SULT1C4: variants seen among roughly 807,000 people sequenced by gnomAD.
SULT1C4 encodes the protein sulfotransferase 1C4.
Under a neutral mutation model 34.8 loss-of-function variants are expected in SULT1C4, and 32 were observed. The observed-to-expected ratio is 0.92, with a 90% CI of 0.69 to 1.23. SULT1C4 has a LOEUF of 1.23. SULT1C4 is among the 50% of genes most tolerant of loss of function. The pLI is 0.00. For synonymous variants in SULT1C4, 111 were observed against 120.5 expected, an observed-to-expected ratio of 0.92 and a Z score of 0.51; for missense variants, 375 against 365.9, an observed-to-expected ratio of 1.02 and a Z score of -0.20.
rs1678303156 is a variant in SULT1C4, at chr2:108,378,462, A to T, written c.125A>T (p.Gln42Leu). The change falls in exon 1 of 7, where the codon CAA (glutamine) becomes CTA (leucine). Residue 42 changes from glutamine to leucine, a missense_variant. Physicochemically the swap from Gln to Leu is moderately radical, Grantham distance 113. Coordinates refer to ENST00000272452, the MANE Select transcript of SULT1C4 (RefSeq NM_006588.4). ...ATCTGGGATAAGATCTGGAACTTCC[A>T]AGCCAAGCCTGATGACCTGCTTATT... is the stretch of plus-strand genomic sequence containing the variant. The part of the protein sequence containing the change: ...CDIWDKIWNF[Q>L]AKPDDLLIST... 1 of 1,614,224 alleles carries T rather than the reference A, an allele frequency of 6.2e-7. No individual in the cohort carries two copies. Among genetic ancestry groups the T allele is most frequent in the Non-Finnish European group, 8.5e-7 (1 of 1,180,034 alleles).
At chr2:108,386,149 T>C (rs545204304) in intron 5 of SULT1C4, 43 bp from the exon 6 acceptor site, 39 of 1,348,522 alleles carry the variant, frequency 2.9e-5, no homozygotes, top group Non-Finnish European at 3.7e-5. Context: ...CTTTTTAAAC[T>C]AATTCTATTA....
In SULT1C4 at chr2:108,383,462, C is replaced by G. The variant is rs1678482170; in HGVS notation, c.567C>G (p.Ala189=). The change falls in exon 5 of 7, where the codon GCC becomes GCG. Residue 189 remains alanine, a synonymous_variant. Coordinates refer to ENST00000272452, the MANE Select transcript of SULT1C4 (RefSeq NM_006588.4). Reference sequence around the variant, plus strand: ...AACATGTGAAAGGATGGTGGGAAGCCAAAGACAAACACCGTATTCTCTATC... The same window carrying G: ...AACATGTGAAAGGATGGTGGGAAGCGAAAGACAAACACCGTATTCTCTATC... ...WHEHVKGWWE[A]KDKHRILYLF... is the part of the protein sequence containing the mutation. 3 of 1,614,130 alleles carry G rather than the reference C, an allele frequency of 1.9e-6. No homozygotes were observed. In the Admixed American group the frequency reaches 5.0e-5, roughly 27 times the overall value.
At chr2:108,382,588 C>A (rs2104343863) in intron 3 of SULT1C4, 106 bp downstream of exon 3, 1 of 843,306 alleles carries the variant, frequency 1.2e-6, no homozygotes, top group Non-Finnish European at 1.9e-6. Flanking sequence ...TATACCTCTT[C>A]ACAATAATCA....
chr2:108,379,486 C>G (rs1156267013), intron 1 of SULT1C4, among the ~76,000 whole-genome samples: 1 of 152,168 alleles, frequency 6.6e-6, no homozygotes, highest in African/African-American at 2.4e-5. Flanking sequence ...GATCACATCT[C>G]ATCATCTTAA....
At chr2:108,384,610 A>G (rs929644654) in intron 5 of SULT1C4, among the ~76,000 whole-genome samples, 2 of 152,224 alleles carry the variant, frequency 1.3e-5, no homozygotes, top group South Asian at 2.1e-4. Context: ...AAGTTCTGTC[A>G]ATTCTTGGTA....
At position 108,386,331 on chromosome 2, in the gene SULT1C4, C is replaced by A. The variant is rs770915181; in HGVS notation, c.755C>A (p.Ala252Asp). ...NPMANYSSIPAEIMDHSISPF... is the reference protein window; with the variant it reads ...NPMANYSSIPDEIMDHSISPF... Reference sequence around the variant, plus strand: ...ATGGCAAACTATTCATCGATTCCTGCTGAAATCATGGACCACTCCATTTCT... The same window carrying A: ...ATGGCAAACTATTCATCGATTCCTGATGAAATCATGGACCACTCCATTTCT... The change falls in exon 6 of 7, where the codon GCT (alanine) becomes GAT (aspartate). Residue 252 changes from alanine to aspartate, a missense_variant. Coordinates refer to ENST00000272452, the MANE Select transcript of SULT1C4 (RefSeq NM_006588.4). The A allele has an allele frequency of 6.4e-7, 1 of 1,567,528 alleles. No homozygotes were observed. The highest frequency in any genetic ancestry group is 2.3e-5 in the East Asian group (1 of 43,238).
At chr2:108,379,098 T>C (rs950804008) in intron 1 of SULT1C4, among the ~76,000 whole-genome samples, 1 of 152,196 alleles carries the variant, frequency 6.6e-6, no homozygotes, top group South Asian at 2.1e-4. Context: ...AATTGGGTGA[T>C]GATGAGGTGG....
Position 108,387,425 on chromosome 2 carries a change from A to C in SULT1C4, c.902A>C (p.Gln301Pro). The C allele has an allele frequency of 6.2e-7, 1 of 1,605,504 alleles. No individual in the cohort carries two copies. The highest frequency in any genetic ancestry group is 8.5e-7 in the Non-Finnish European group (1 of 1,174,088). The change falls in exon 7 of 7, where the codon CAG becomes CCG. Residue 301 changes from glutamine (Q) to proline (P), a missense_variant. By Grantham distance (76) the Gln-to-Pro change is moderately conservative. Coordinates refer to ENST00000272452, the MANE Select transcript of SULT1C4 (RefSeq NM_006588.4). Reference protein sequence around the residue: ...MTDTRLTFHFQF With the variant: ...MTDTRLTFHFPF ...GATACCAGACTAACTTTCCACTTCCAGTTCTAGTAAGGAAGAAAAACTGAA... is the reference window on the plus strand; with the variant it reads ...GATACCAGACTAACTTTCCACTTCCCGTTCTAGTAAGGAAGAAAAACTGAA...
chr2:108,386,247 A>T lies in SULT1C4; in HGVS notation c.671A>T (p.Asp224Val). 6.4e-7 allele frequency: 1 copy of T among 1,566,030 alleles called. No individual in the cohort carries two copies. Among genetic ancestry groups the T allele is most frequent in the East Asian group, 2.3e-5 (1 of 43,448 alleles). Residue 224 changes from aspartate (D) to valine (V), a missense_variant, in exon 6 of 7, where the codon GAC (aspartate) becomes GTC (valine). Transcript: ENST00000272452. The part of the protein sequence containing the change: ...LAEFIGKKLD[D>V]KVLDKIVHYT... ...GAATTTATTGGGAAGAAATTAGATG[A>T]CAAAGTTCTAGATAAAATTGTCCAT...
At chr2:108,378,726 CTT>C (rs35046786) in intron 1 of SULT1C4, among the ~76,000 whole-genome samples, 6 of 137,906 alleles carry the variant, frequency 4.4e-5, no homozygotes, top group African/African-American at 5.4e-5. Context: ...GATGTACTTC[CTT>C]TTTTTTTTTT....
chr2:108,386,363 A>G lies in SULT1C4; in HGVS notation c.787A>G (p.Met263Val). Residue 263 changes from methionine to valine, a missense_variant, in exon 6 of 7, where the codon ATG (methionine) becomes GTG (valine). Coordinates refer to ENST00000272452, the MANE Select transcript of SULT1C4 (RefSeq NM_006588.4). ...EIMDHSISPF[M>V]RKGAVGDWKK... ...CATGGACCACTCCATTTCTCCATTC[A>G]TGAGAAAAGGTTTTTATAGTTTATT... 1 of 1,480,604 alleles carries G rather than the reference A, an allele frequency of 6.8e-7. No individual in the cohort carries two copies. Among genetic ancestry groups the G allele is most frequent in the Non-Finnish European group, 9.0e-7 (1 of 1,111,950 alleles). The allele number at this position is 1,480,604 out of a possible 1,614,324, so 91.7% of individuals were successfully genotyped here.
chr2:108,381,653 C>T lies in SULT1C4; in HGVS notation c.170-109C>T. ...CAAGACCCTGTCTCAAAAAACAAAA[C>T]AAAACAAAACAAAACAAAAGACATA... On this transcript the variant is annotated intron_variant, in intron 1 of 6. Transcript: ENST00000272452. The T allele has an allele frequency of 2.4e-6, 3 of 1,228,230 alleles. 1 individual carries two copies. The South Asian group carries it at 1.1e-4, about 43-fold the overall frequency. 76.1% of individuals were successfully genotyped at this position (1,228,230 alleles called of 1,614,324 possible).
intron 3 of SULT1C4, 78 bp from the exon 4 acceptor site, chr2:108,383,015 G>T: frequency 6.9e-7 from 1 of 1,450,602 alleles, no homozygotes; most frequent in East Asian, 2.4e-5. Context: ...TGACTTGCCT[G>T]GGCAGTAACA....
At chr2:108,379,580 G>T (rs894843821) in intron 1 of SULT1C4, among the ~76,000 whole-genome samples, 3 of 152,090 alleles carry the variant, frequency 2.0e-5, no homozygotes, top group African/African-American at 7.2e-5. Context: ...CAAAGATATG[G>T]TTCATTTAGG....
Position 108,387,584 on chromosome 2 carries a change from A to G in SULT1C4, c.*152A>G, listed in dbSNP as rs1169411037. The G allele has an allele frequency of 1.6e-6, 1 of 621,288 alleles. No individual in the cohort carries two copies. The highest frequency in any genetic ancestry group is 2.7e-6 in the Non-Finnish European group (1 of 370,948). 38.5% of individuals were successfully genotyped at this position (621,288 alleles called of 1,614,324 possible). Reference sequence around the variant, plus strand: ...ATTCACTCTACTAAAAAATTATTTTAAAAGGCTGGAGGCAAGGTGGTGACA... The same window carrying G: ...ATTCACTCTACTAAAAAATTATTTTGAAAGGCTGGAGGCAAGGTGGTGACA... On this transcript the variant is annotated 3_prime_UTR_variant, in exon 7 of 7. Coordinates refer to ENST00000272452, the MANE Select transcript of SULT1C4 (RefSeq NM_006588.4).
chr2:108,378,658 C>A (rs998665073), intron 1 of SULT1C4, 152 bp downstream of exon 1: 1 of 772,358 alleles, frequency 1.3e-6, no homozygotes, highest in Non-Finnish European at 2.0e-6. Context: ...TGAAGCTATA[C>A]CGAAACATAC....
At chr2:108,384,440 C>A (rs1021616098) in intron 5 of SULT1C4, among the ~76,000 whole-genome samples, 1 of 152,108 alleles carries the variant, frequency 6.6e-6, no homozygotes, top group African/African-American at 2.4e-5. Context: ...ACCGTGTTAG[C>A]CAGGTCTCAA....
chr2:108,386,467 T>A, intron 6 of SULT1C4, 95 bp downstream of exon 6: 1 of 948,252 alleles, frequency 1.1e-6, no homozygotes, highest in Non-Finnish European at 1.4e-6. Flanking sequence ...GGAAAAATAA[T>A]ATCTGTAATA....
intron 3 of SULT1C4, chr2:108,382,817 C>G: frequency 3.0e-6 from 1 of 338,514 alleles, no homozygotes; most frequent in Non-Finnish European, 5.2e-6. Flanking sequence ...GCAGGAGACT[C>G]GCTTGAACAC....
Sources: gnomAD v4.1 joint callset for allele counts (sites outside exome capture counted in the v4.1 genomes callset) on GRCh38, gnomAD v4.1.1 for gene constraint, MANE v1.5 for transcripts, NCBI Gene and HGNC (gene_info 2026-07-23, HGNC 2026-07-21) for gene names.